The following ANXA7 variants were observed in gnomAD, a reference collection of about 807,000 sequenced individuals.
ANXA7 encodes annexin A7, also known as annexin VII.
In ANXA7, 55 loss-of-function variants were observed where a neutral mutation model predicts 64.9. The ratio of observed to expected loss-of-function variants is 0.85; its 90% CI spans 0.68 to 1.06. The LOEUF is 1.06. ANXA7 is among the 50% of genes least tolerant of loss of function. The pLI is 0.00. For synonymous variants in ANXA7, 200 were observed against 192.4 expected (o/e 1.04, Z -0.33); for missense variants, 548 against 582.1 (o/e 0.94, Z 0.60).
At chr10:73,398,431 T>C in intron 2 of ANXA7, 46 bp from the exon 3 acceptor site, 1 of 1,515,574 alleles carries the variant, frequency 6.6e-7, no homozygotes, top group Non-Finnish European at 9.0e-7. Context: ...CATAGAGAAA[T>C]ATGACCCATC....
chr10:73,376,803 C>T (rs536207277), intron 12 of ANXA7, among the ~76,000 whole-genome samples: 31 of 152,030 alleles, frequency 2.0e-4, no homozygotes, highest in African/African-American at 7.2e-4. Context: ...GTGGGATACA[C>T]GTACAATAGA....
Position 73,380,119 on chromosome 10 carries a change from C to A in ANXA7, c.1001G>T (p.Arg334Ile). The A allele has an allele frequency of 1.9e-6, 3 of 1,614,164 alleles. No homozygotes were observed. Among genetic ancestry groups the A allele is most frequent in the Non-Finnish European group, 2.5e-6 (3 of 1,180,042 alleles). The part of the protein sequence containing the change: ...AQRLYQAGEG[R>I]LGTDESCFNM... Reference sequence around the variant, plus strand: ...AAAGCAAGATTCATCGGTCCCTAGTCTCCCCTCACCAGCTTGATAGAGACG... The same window carrying A: ...AAAGCAAGATTCATCGGTCCCTAGTATCCCCTCACCAGCTTGATAGAGACG... Residue 334 changes from arginine to isoleucine, a missense_variant, in exon 10 of 13, where the codon AGA becomes ATA. Coordinates refer to ENST00000372921, the MANE Select transcript of ANXA7 (RefSeq NM_001156.5).
intron 7 of ANXA7, among the ~76,000 whole-genome samples, chr10:73,385,899 T>C (rs1009592663): frequency 2.6e-5 from 4 of 152,162 alleles, no homozygotes; most frequent in Admixed American, 2.6e-4. Context: ...AACATTAGGA[T>C]ATTTTTAGGA....
chr10:73,381,465 G>C (rs942184546), intron 9 of ANXA7: 9 of 152,118 alleles, frequency 5.9e-5, no homozygotes, highest in African/African-American at 2.2e-4. Flanking sequence ...ACCATCTTTG[G>C]AATAAGATGG....
chr10:73,379,951 C>T lies in ANXA7; in HGVS notation c.1093G>A (p.Ala365Thr). ...ACACTGCTTAACAAGTCTCGATTAG[C>T]CATCTGCAAACAAAATTAAAGGGTT... is the stretch of plus-strand genomic sequence containing the variant. ...RATMEAYSRM[A>T]NRDLLSSVSR... is the part of the protein sequence containing the mutation. Residue 365 changes from alanine (A) to threonine (T), a missense_variant, in exon 11 of 13, where the codon GCT (alanine) becomes ACT (threonine). Transcript: ENST00000372921. 2 of 1,613,776 alleles carry T rather than the reference C, an allele frequency of 1.2e-6. No homozygotes were observed. Among genetic ancestry groups the T allele is most frequent in the Non-Finnish European group, 1.7e-6 (2 of 1,179,920 alleles).
chr10:73,400,885 G>T (rs774638632), intron 1 of ANXA7, 28 bp from the exon 2 acceptor site: 3 of 1,570,706 alleles, frequency 1.9e-6, no homozygotes, highest in East Asian at 4.7e-5. Context: ...AATGTCCTCT[G>T]TAAGTTTTTT....
chr10:73,395,958 T>G (rs989171718), intron 5 of ANXA7: 18 of 845,192 alleles, frequency 2.1e-5, no homozygotes, highest in Non-Finnish European at 3.5e-5. Flanking sequence ...CCTTAAGAAG[T>G]AGTGAGAGAC....
intron 5 of ANXA7, among the ~76,000 whole-genome samples, chr10:73,390,725 T>C (rs865811075): frequency 8.0e-6 from 1 of 124,646 alleles, no homozygotes; most frequent in African/African-American, 3.4e-5. Flanking sequence ...TATATAAAAA[T>C]ATATATATAC....
At chr10:73,392,853 G>A (rs1407255426) in intron 5 of ANXA7, among the ~76,000 whole-genome samples, 1 of 152,140 alleles carries the variant, frequency 6.6e-6, no homozygotes, top group Non-Finnish European at 1.5e-5. Context: ...TCTGGCCAGG[G>A]CAATCAGGCA....
At chr10:73,399,178 G>A (rs1284973670) in intron 2 of ANXA7, among the ~76,000 whole-genome samples, 5 of 152,132 alleles carry the variant, frequency 3.3e-5, no homozygotes, top group African/African-American at 9.7e-5. Context: ...GAAGGAGCCT[G>A]GAAACCCAAA....
intron 2 of ANXA7, among the ~76,000 whole-genome samples, chr10:73,399,014 A>G (rs6480704): frequency 0.15 from 23,002 of 152,104 alleles, 2,843 homozygotes; most frequent in African/African-American, 0.32. Context: ...GTAAATGAAC[A>G]TAGACAAAAG....
chr10:73,395,011 T>G (rs553038302), intron 5 of ANXA7, among the ~76,000 whole-genome samples: 60 of 152,232 alleles, frequency 3.9e-4, no homozygotes, highest in Non-Finnish European at 6.6e-4. Flanking sequence ...ACAAAAGTGA[T>G]TACAGGTTTA....
chr10:73,397,515 T>C (rs2055595626), intron 3 of ANXA7, among the ~76,000 whole-genome samples: 1 of 152,208 alleles, frequency 6.6e-6, no homozygotes, highest in Non-Finnish European at 1.5e-5. Flanking sequence ...TGGAGTTTAG[T>C]GGCACAATCT....
At chr10:73,395,140 G>A (rs1433224718) in intron 5 of ANXA7, among the ~76,000 whole-genome samples, 3 of 152,146 alleles carry the variant, frequency 2.0e-5, no homozygotes, top group Non-Finnish European at 4.4e-5. Flanking sequence ...GAGAGAGACC[G>A]CTGGTCTAGA....
chr10:73,376,574 A>T (rs1400002869), intron 12 of ANXA7, among the ~76,000 whole-genome samples: 1 of 152,254 alleles, frequency 6.6e-6, no homozygotes, highest in Non-Finnish European at 1.5e-5. Context: ...GAAAAGTAAA[A>T]GGGTGCAGCT....
At chr10:73,388,842 C>A (rs796271811) in intron 5 of ANXA7, among the ~76,000 whole-genome samples, 25 of 152,258 alleles carry the variant, frequency 1.6e-4, no homozygotes, top group African/African-American at 5.3e-4. Context: ...TTCAAACCAG[C>A]AATATAATTT....
At chr10:73,389,696 G>A (rs2132668214) in intron 5 of ANXA7, among the ~76,000 whole-genome samples, 1 of 152,298 alleles carries the variant, frequency 6.6e-6, no homozygotes, top group East Asian at 1.9e-4. Context: ...CACAAACATA[G>A]CTCACAGTAA....
chr10:73,396,155 A>T, intron 5 of ANXA7: 1 of 1,220,126 alleles, frequency 8.2e-7, no homozygotes, highest in East Asian at 2.3e-5. Flanking sequence ...GGGAAACAAA[A>T]CCACCCTACA....
In ANXA7 at chr10:73,375,509, A is replaced by G. The variant is rs1285273554; in HGVS notation, c.*586T>C. 6.6e-6 allele frequency: 1 copy of G among 152,222 alleles called. No homozygotes were observed. Among genetic ancestry groups the G allele is most frequent in the Non-Finnish European group, 1.5e-5 (1 of 68,034 alleles). 9.4% of individuals were successfully genotyped at this position (152,222 alleles called of 1,614,324 possible). A position where few individuals can be genotyped will look rare whatever the true frequency, so the allele number is the denominator to read the frequency against. ...AAGAAAACAACTGCGAAAAAAAAGT[A>G]GGCTATGTATCTTAAGCATATAAAC... is the stretch of plus-strand genomic sequence containing the variant. On this transcript the variant is annotated 3_prime_UTR_variant, in exon 13 of 13. Transcript: ENST00000372921.
Sources: gnomAD v4.1 joint callset for allele counts (sites outside exome capture counted in the v4.1 genomes callset) on GRCh38, gnomAD v4.1.1 for gene constraint, MANE v1.5 for transcripts, NCBI Gene and HGNC (gene_info 2026-07-23, HGNC 2026-07-21) for gene names.